Variants in PYGB observed in about 807,000 individuals in gnomAD.
PYGB encodes glycogen phosphorylase B.
A neutral mutation model predicts 94.3 loss-of-function variants in PYGB; 82 were observed. The observed-to-expected ratio is 0.87, with a 90% confidence interval of 0.73 to 1.04. The LOEUF (loss-of-function observed/expected upper bound fraction) is 1.04. Among genes scored for constraint, PYGB ranks in the 50% least tolerant of loss-of-function variants. PYGB has a pLI of 0.00. For missense variants in PYGB, 1,132 were observed against 1,158.2 expected (o/e 0.98, Z 0.33); for synonymous variants, 488 against 479.1 (o/e 1.02, Z -0.24).
intron 1 of PYGB, among the ~76,000 whole-genome samples, chr20:25,251,726 G>A (rs944516417): frequency 1.3e-5 from 2 of 152,160 alleles, no homozygotes; most frequent in Admixed American, 6.5e-5. Context: ...CTGTGTTGTC[G>A]ATGTGCTGAG....
intron 16 of PYGB, 63 bp downstream of exon 16, chr20:25,290,685 G>A (rs2145898947): frequency 6.4e-7 from 1 of 1,574,732 alleles, no homozygotes; most frequent in South Asian, 1.1e-5. Flanking sequence ...GCGTTGTACT[G>A]GCCCCGGGCC....
Position 25,283,244 on chromosome 20 carries a change from G to A in PYGB, c.1587G>A (p.Glu529=). 1 of 1,613,830 alleles carries A rather than the reference G, an allele frequency of 6.2e-7. No homozygotes were observed. The highest frequency in any genetic ancestry group is 8.5e-7 in the Non-Finnish European group (1 of 1,179,886). The change falls in exon 13 of 20, where the codon GAG becomes GAA. Residue 529 remains glutamate (E), a synonymous_variant. Coordinates refer to ENST00000216962, the MANE Select transcript of PYGB (RefSeq NM_002862.4). ...LKKLLPLVSD[E]VFIRDVAKVK... is the part of the protein sequence containing the mutation. ...AGCTGCTGCCGCTGGTCAGTGACGA[G>A]GTGTTCATCAGGGACGTGGCCAAGG... is the stretch of plus-strand genomic sequence containing the variant.
intron 5 of PYGB, among the ~76,000 whole-genome samples, chr20:25,275,748 C>T (rs987144514): frequency 2.6e-5 from 4 of 152,176 alleles, no homozygotes; most frequent in African/African-American, 4.8e-5. Flanking sequence ...GGCTTAGCCC[C>T]GAGGCCTGGC....
chr20:25,270,230 TCTCA>T lies in PYGB; in HGVS notation c.424+1027_424+1030del, dbSNP rs1419535176. Among the ~76,000 whole-genome samples, 49 of 142,542 alleles carry T rather than the reference TCTCA, an allele frequency of 3.4e-4. No individual in the cohort carries two copies. In the East Asian group the frequency reaches 8.5e-3, roughly 25 times the overall value. 93.5% of individuals were successfully genotyped at this position (142,542 alleles called of 152,430 possible). On this transcript the variant is annotated intron_variant, in intron 3 of 19. Transcript: ENST00000216962. ...TGTTTTTTTTTTTTTTGAGATGGAG[TCTCA>T]CTCCGTCGGCCAGGCTGGAGTGCAG...
In PYGB at chr20:25,296,570, C is replaced by T; in HGVS notation, c.*48C>T. The T allele has an allele frequency of 6.4e-7, 1 of 1,570,256 alleles. No homozygotes were observed. Among genetic ancestry groups the T allele is most frequent in the Non-Finnish European group, 8.6e-7 (1 of 1,158,710 alleles). On this transcript the variant is annotated 3_prime_UTR_variant, in exon 20 of 20. Coordinates refer to ENST00000216962, the MANE Select transcript of PYGB (RefSeq NM_002862.4). ...CAGCGGGCATTTGTTTTCTTGCTGACTTTGCACCTCCTTTTTTCCCCAAAC... is the reference window on the plus strand; with the variant it reads ...CAGCGGGCATTTGTTTTCTTGCTGATTTTGCACCTCCTTTTTTCCCCAAAC...
At chr20:25,263,694 A>G (rs2092918505) in intron 2 of PYGB, among the ~76,000 whole-genome samples, 2 of 152,240 alleles carry the variant, frequency 1.3e-5, no homozygotes, top group African/African-American at 2.4e-5. Flanking sequence ...AAATGGATAA[A>G]TTCCTGGACA....
At chr20:25,282,745 G>GT (rs1244727165) in intron 12 of PYGB, among the ~76,000 whole-genome samples, 1 of 152,214 alleles carries the variant, frequency 6.6e-6, no homozygotes, top group African/African-American at 2.4e-5. Flanking sequence ...ATGGGCCTGG[G>GT]TACAGTGAGG....
At chr20:25,280,003 G>A (rs1035978444) in intron 9 of PYGB, among the ~76,000 whole-genome samples, 7 of 152,214 alleles carry the variant, frequency 4.6e-5, no homozygotes, top group African/African-American at 7.2e-5. Flanking sequence ...GGTAGCAGGC[G>A]ATTGTGTCTT....
intron 2 of PYGB, among the ~76,000 whole-genome samples, chr20:25,262,362 A>G (rs2123528342): frequency 6.6e-6 from 1 of 152,376 alleles, no homozygotes; most frequent in East Asian, 1.9e-4. Flanking sequence ...CCAGAATTTC[A>G]TATCCAGCCA....
At chr20:25,274,487 G>T (rs2088292856) in intron 4 of PYGB, 105 bp from the exon 5 acceptor site, 3 of 1,443,024 alleles carry the variant, frequency 2.1e-6, no homozygotes, top group Non-Finnish European at 2.8e-6. Context: ...AAATTTCAGT[G>T]CCAGGCACTG....
chr20:25,292,346 C>T, intron 16 of PYGB, 60 bp from the exon 17 acceptor site: 1 of 1,580,384 alleles, frequency 6.3e-7, no homozygotes, highest in South Asian at 1.1e-5. Flanking sequence ...TGCAGTGAGC[C>T]TTGCGGCTGA....
At chr20:25,259,565 T>C (rs546768084) in intron 2 of PYGB, among the ~76,000 whole-genome samples, 3 of 152,314 alleles carry the variant, frequency 2.0e-5, no homozygotes, top group African/African-American at 7.2e-5. Flanking sequence ...GGGGTTGAAT[T>C]GGGATGCGAA....
At chr20:25,291,953 G>A (rs2088471350) in intron 16 of PYGB, among the ~76,000 whole-genome samples, 4 of 152,180 alleles carry the variant, frequency 2.6e-5, no homozygotes, top group Non-Finnish European at 5.9e-5. Context: ...CTGGCGCCCA[G>A]GAGGTCGCCA....
At chr20:25,284,970 G>T (rs1231147569) in intron 14 of PYGB, 1 of 152,176 alleles carries the variant, frequency 6.6e-6, no homozygotes, top group East Asian at 1.9e-4. Flanking sequence ...GAAAAACTAG[G>T]TTTCTAAAAT....
chr20:25,274,747 G>C, intron 5 of PYGB, 24 bp downstream of exon 5: 4 of 1,606,786 alleles, frequency 2.5e-6, no homozygotes, highest in Non-Finnish European at 3.4e-6. Context: ...AATGTCTGCG[G>C]GCAAGGCTGG....
intron 1 of PYGB, among the ~76,000 whole-genome samples, chr20:25,254,228 A>T (rs2092896798): frequency 6.6e-6 from 1 of 152,220 alleles, no homozygotes. Context: ...TTGTCTGCAA[A>T]TCTTTTCAGT....
At chr20:25,276,496 T>C (rs1404675742) in intron 5 of PYGB, 150 bp from the exon 6 acceptor site, 11 of 630,676 alleles carry the variant, frequency 1.7e-5, no homozygotes, top group Non-Finnish European at 3.0e-5. Flanking sequence ...GTGCCGAGCA[T>C]GGGCTGGGTG....
chr20:25,283,391 CT>C, intron 13 of PYGB, 114 bp downstream of exon 13: 1 of 885,684 alleles, frequency 1.1e-6, no homozygotes, highest in Non-Finnish European at 1.7e-6. Flanking sequence ...CCCACTGGGG[CT>C]TTAGTGGGGA....
intron 14 of PYGB, 44 bp from the exon 15 acceptor site, chr20:25,288,381 C>A: frequency 6.2e-7 from 1 of 1,611,714 alleles, no homozygotes; most frequent in Non-Finnish European, 8.5e-7. Context: ...GGGGCTCGTC[C>A]GGCTCGCGGT....
Sources: allele counts gnomAD v4.1 joint callset (sites outside exome capture counted in the v4.1 genomes callset), GRCh38; gene constraint gnomAD v4.1.1; transcripts MANE v1.5; gene names NCBI Gene and HGNC (gene_info 2026-07-23, HGNC 2026-07-21).